Variants in MYH13 observed in about 807,000 individuals in gnomAD.
MYH13 encodes myosin heavy chain 13, also known as myosin-13.
MYH13 carries 177 observed loss-of-function variants against 232.1 expected under a neutral mutation model. The observed-to-expected ratio is 0.76, with a 90% CI of 0.67 to 0.86. The LOEUF (loss-of-function observed/expected upper bound fraction) is 0.86, where lower values mean the gene tolerates loss of function less well. MYH13 is among the 40% of genes least tolerant of loss of function. MYH13 has a pLI of 0.00. For missense variants in MYH13, 2,246 were observed against 2,405.9 expected, an observed-to-expected ratio of 0.93 and a Z score of 1.39; for synonymous variants, 884 against 923.5, an observed-to-expected ratio of 0.96 and a Z score of 0.78.
chr17:10,340,397 G>A lies in MYH13; in HGVS notation c.1899C>T (p.Asp633=). The A allele has an allele frequency of 6.2e-7, 1 of 1,613,004 alleles. No individual in the cohort carries two copies. The highest frequency in any genetic ancestry group is 8.5e-7 in the Non-Finnish European group (1 of 1,179,354). ...FSNYAGAETG[D]SGGSKKGGKK... ...TCCCGCCCTTCTTGCTTCCTCCGGA[G>A]TCGCCTGGAGACAGACACAGAAGAG... Residue 633 remains aspartate (D), a synonymous_variant, in exon 17 of 41, where the codon GAC becomes GAT. Transcript: ENST00000252172.
intron 2 of MYH13, among the ~76,000 whole-genome samples, chr17:10,370,146 C>G (rs982051382): frequency 6.6e-6 from 1 of 152,216 alleles, no homozygotes; most frequent in African/African-American, 2.4e-5. Flanking sequence ...GTGCCCTCAC[C>G]TCTCTTGACC....
chr17:10,315,833 C>T (rs1239887420), intron 28 of MYH13, 22 bp from the exon 29 acceptor site: 1 of 1,613,944 alleles, frequency 6.2e-7, no homozygotes, highest in Non-Finnish European at 8.5e-7. Context: ...ATGTGGCCCC[C>T]ACGTCAGTGT....
intron 29 of MYH13, 48 bp downstream of exon 29, chr17:10,315,645 G>A (rs1337832634): frequency 6.6e-7 from 1 of 1,519,516 alleles, no homozygotes; most frequent in South Asian, 1.2e-5. Context: ...CGGGTGAAGT[G>A]GTCATATAGC....
rs200873482 is a variant in MYH13 at position 10,321,825 on chromosome 17, C to CT, written c.2935-118dup. ...TTTTCCCTTTTCTTTTTGGCTACTA[C>CT]TTTTTTACCTCCTAGAATTGACAGA... On this transcript the variant is annotated intron_variant, in intron 23 of 40. Transcript: ENST00000252172. The CT allele has an allele frequency of 9.1e-4, 770 of 841,854 alleles. 5 individuals are homozygous for CT. The African/African-American group carries it at 0.012, about 13-fold the overall frequency. 52.1% of individuals were successfully genotyped at this position (841,854 alleles called of 1,614,324 possible).
At chr17:10,330,170 C>T (rs1907362036) in intron 21 of MYH13, among the ~76,000 whole-genome samples, 1 of 152,142 alleles carries the variant, frequency 6.6e-6, no homozygotes, top group African/African-American at 2.4e-5. Context: ...CATGCGTCTG[C>T]TTCCCACTCC....
intron 27 of MYH13, among the ~76,000 whole-genome samples, chr17:10,317,041 G>A (rs1359859562): frequency 6.6e-6 from 1 of 152,134 alleles, no homozygotes; most frequent in Non-Finnish European, 1.5e-5. Context: ...CGTCAAAGGG[G>A]ACAACTGAAA....
intron 39 of MYH13, among the ~76,000 whole-genome samples, chr17:10,302,474 A>G (rs16943262): frequency 0.03 from 4,615 of 152,258 alleles, 218 homozygotes; most frequent in African/African-American, 0.11. Context: ...ATCAAACTCT[A>G]CAACATCTAC....
At chr17:10,328,210 T>A in intron 21 of MYH13, 89 bp from the exon 22 acceptor site, 1 of 1,478,934 alleles carries the variant, frequency 6.8e-7, no homozygotes, top group South Asian at 1.3e-5. Flanking sequence ...CCATCCTCCG[T>A]CTTTCTCGGT....
intron 5 of MYH13, among the ~76,000 whole-genome samples, chr17:10,361,337 G>A (rs1013251414): frequency 6.6e-6 from 1 of 150,586 alleles, no homozygotes; most frequent in Non-Finnish European, 1.5e-5. Context: ...TTTTGCCCAG[G>A]CTGAAGTGCA....
At chr17:10,332,308 T>C (rs1907436141) in intron 19 of MYH13, 86 bp from the exon 20 acceptor site, 2 of 1,543,362 alleles carry the variant, frequency 1.3e-6, no homozygotes, top group Non-Finnish European at 1.8e-6. Flanking sequence ...CTTCTCCTGC[T>C]CAAGCCTTAG....
rs971131554 is a variant in MYH13, at chr17:10,319,094, C to T, written c.3434G>A (p.Arg1145Lys). Residue 1145 changes from arginine to lysine, a missense_variant, in exon 27 of 41, where the codon AGG becomes AAG. Coordinates refer to ENST00000252172, the MANE Select transcript of MYH13 (RefSeq NM_003802.3). Reference sequence around the variant, plus strand: ...CCTCTCGCTGATCTCCTCCAGTTCCCTGGCCAGATCTGAGCGCTGCTTCTC... The same window carrying T: ...CCTCTCGCTGATCTCCTCCAGTTCCTTGGCCAGATCTGAGCGCTGCTTCTC... The part of the protein sequence containing the change: ...KIEKQRSDLA[R>K]ELEEISERLE... 1 of 1,614,186 alleles carries T rather than the reference C, an allele frequency of 6.2e-7. No individual in the cohort carries two copies. The highest frequency in any genetic ancestry group is 1.7e-5 in the Admixed American group (1 of 60,018).
chr17:10,311,303 G>C, intron 32 of MYH13, 76 bp from the exon 33 acceptor site: 1 of 1,562,242 alleles, frequency 6.4e-7, no homozygotes, highest in East Asian at 2.2e-5. Context: ...AGGCAATTCA[G>C]GGATGGGCGA....
chr17:10,310,297 C>T, intron 33 of MYH13, among the ~76,000 whole-genome samples: 1 of 151,946 alleles, frequency 6.6e-6, no homozygotes, highest in East Asian at 1.9e-4. Flanking sequence ...CACCATGTTG[C>T]CTAGGCTGGT....
At chr17:10,323,789 AGAAGAAGAAGAAGAAGAAGAAGAAG>A (rs1467036341) in intron 23 of MYH13, among the ~76,000 whole-genome samples, 1 of 37,428 alleles carries the variant, frequency 2.7e-5, no homozygotes, top group African/African-American at 9.5e-5. Context: ...AAAAAAAAAA[AGAAGAAGAAGAAGAAGAAGAAGAAG>A]AAGAAGAAGA....
chr17:10,303,393 C>T lies in MYH13; in HGVS notation c.5571+1G>A, dbSNP rs895759074. ...ACTGAGGAGGTTTTTGGGACCCCTA[C>T]CTGGTAAGTCATCTCCTTGACTTTG... is the stretch of plus-strand genomic sequence containing the variant. On this transcript the variant is annotated splice_donor_variant, in intron 38 of 40. Coordinates refer to ENST00000252172, the MANE Select transcript of MYH13 (RefSeq NM_003802.3). LOFTEE classifies it high-confidence loss of function. 7 of 1,613,902 alleles carry T rather than the reference C, an allele frequency of 4.3e-6. No homozygotes were observed. Among genetic ancestry groups the T allele is most frequent in the Non-Finnish European group, 5.9e-6 (7 of 1,179,816 alleles).
intron 18 of MYH13, among the ~76,000 whole-genome samples, chr17:10,339,228 T>G (rs2071602308): frequency 6.6e-6 from 1 of 152,208 alleles, no homozygotes; most frequent in Non-Finnish European, 1.5e-5. Context: ...CAGCTCCGTG[T>G]GACAGTTTGT....
intron 26 of MYH13, 24 bp downstream of exon 26, chr17:10,320,129 T>C (rs752504433): frequency 9.4e-5 from 145 of 1,541,486 alleles, no homozygotes; most frequent in Non-Finnish European, 1.2e-4. Flanking sequence ...ATTGTCATGA[T>C]TGGGAAGGTT....
At chr17:10,309,974 G>A (rs1023548254) in intron 33 of MYH13, 144 bp from the exon 34 acceptor site, 1 of 646,756 alleles carries the variant, frequency 1.5e-6, no homozygotes, top group African/African-American at 1.9e-5. Context: ...TAGAGACAGG[G>A]TCTGTGTTGC....
chr17:10,318,842 T>C lies in MYH13; in HGVS notation c.3686A>G (p.Lys1229Arg). The stretch of plus-strand genomic sequence containing the variant: ...GCTGGCCATGTCGTCAATCTCCATC[T>C]TCAGCTCGCTCTTCTCCTTCTCCAG... ...QKLEKEKSEL[K>R]MEIDDMASNI... Residue 1229 changes from lysine to arginine, a missense_variant, in exon 27 of 41, where the codon AAG becomes AGG. Physicochemically the swap from Lys to Arg is conservative, Grantham distance 26 (BLOSUM62 2). Coordinates refer to ENST00000252172, the MANE Select transcript of MYH13 (RefSeq NM_003802.3). 2.5e-6 allele frequency: 4 copies of C among 1,614,140 alleles called. No individual in the cohort carries two copies. The highest frequency in any genetic ancestry group is 3.4e-6 in the Non-Finnish European group (4 of 1,180,034).
Sources: allele counts gnomAD v4.1 joint callset (sites outside exome capture counted in the v4.1 genomes callset), GRCh38; gene constraint gnomAD v4.1.1; transcripts MANE v1.5; gene names NCBI Gene and HGNC (gene_info 2026-07-23, HGNC 2026-07-21).